ATP7B: variants seen among roughly 807,000 people sequenced by gnomAD.
ATP7B encodes the protein copper-transporting ATPase 2.
In ATP7B, 113 loss-of-function variants were observed where a neutral mutation model predicts 118.9. The ratio of observed to expected loss-of-function variants is 0.95; its 90% CI spans 0.82 to 1.11. The LOEUF (loss-of-function observed/expected upper bound fraction) is 1.11. ATP7B is among the 50% of genes most tolerant of loss of function. The pLI is 0.00. For missense variants in ATP7B, 1,867 were observed against 1,871.4 expected, an observed-to-expected ratio of 1.00 and a Z score of 0.04; for synonymous variants, 777 against 727.4, an observed-to-expected ratio of 1.07 and a Z score of -1.10.
intron 6 of ATP7B, among the ~76,000 whole-genome samples, chr13:51,961,119 A>C (rs1267634067): frequency 6.6e-6 from 1 of 151,938 alleles, no homozygotes; most frequent in African/African-American, 2.4e-5. Context: ...TCAGCCAAGC[A>C]AACTTCCACT....
intron 1 of ATP7B, among the ~76,000 whole-genome samples, chr13:51,992,679 T>C (rs902707473): frequency 2.6e-5 from 4 of 152,030 alleles, no homozygotes; most frequent in Non-Finnish European, 5.9e-5. Flanking sequence ...GGAACTGCAA[T>C]AAAAAATGAT....
intron 12 of ATP7B, 143 bp from the exon 13 acceptor site, chr13:51,946,621 C>T: frequency 1.1e-6 from 1 of 878,912 alleles, no homozygotes. Context: ...TTCCACACTG[C>T]TCTGCCATCA....
chr13:51,938,346 T>C (rs1957101605), intron 17 of ATP7B, among the ~76,000 whole-genome samples: 2 of 152,184 alleles, frequency 1.3e-5, no homozygotes, highest in Admixed American at 6.5e-5. Flanking sequence ...TCACAGAGCC[T>C]GGCCCCACAC....
Position 51,981,647 on chromosome 13 carries a change from T to C in ATP7B, c.52-6479A>G, listed in dbSNP as rs117191858. Among the ~76,000 whole-genome samples the C allele has an allele frequency of 2.6e-5, 4 of 152,096 alleles. No individual in the cohort carries two copies. The East Asian group carries it at 7.7e-4, about 29-fold the overall frequency. On this transcript the variant is annotated intron_variant, in intron 1 of 20. Transcript: ENST00000242839. ...TCCCAGGCATCCAGGCCAGTGGGGG[T>C]TGGTCTCTAAAACCCCCACTGAGGA...
rs767305042 is a variant in ATP7B, at chr13:51,960,260, T to A, written c.2009A>T (p.Tyr670Phe). ...GGGCTCGTTGCTGGGTATCAGCATATAGATCATTAAGGCCATGACAGGGAT... is the reference window on the plus strand; with the variant it reads ...GGGCTCGTTGCTGGGTATCAGCATAAAGATCATTAAGGCCATGACAGGGAT... ...FGIPVMALMI[Y>F]MLIPSNEPHQ... Residue 670 changes from tyrosine (Y) to phenylalanine (F), a missense_variant, in exon 7 of 21, where the codon TAT becomes TTT. Tyr to Phe is a conservative substitution (Grantham distance 22). Coordinates refer to ENST00000242839, the MANE Select transcript of ATP7B (RefSeq NM_000053.4). 6.2e-7 allele frequency: 1 copy of A among 1,613,848 alleles called. No homozygotes were observed. The highest frequency in any genetic ancestry group is 1.1e-5 in the South Asian group (1 of 91,080).
In ATP7B at chr13:51,950,095, C is replaced by T. The variant is rs2139208159; in HGVS notation, c.2642G>A (p.Gly881Asp). 6.2e-7 allele frequency: 1 copy of T among 1,614,210 alleles called. No individual in the cohort carries two copies. Among genetic ancestry groups the T allele is most frequent in the Non-Finnish European group, 8.5e-7 (1 of 1,180,052 alleles). Reference sequence around the variant, plus strand: ...GTGGGTAGCTTTAATGAGCACAGAGCCATGTGCATTTATAGACCCCGCAAT... The same window carrying T: ...GTGGGTAGCTTTAATGAGCACAGAGTCATGTGCATTTATAGACCCCGCAAT... ...TVIAGSINAH[G>D]SVLIKATHVG... The change falls in exon 11 of 21, where the codon GGC becomes GAC. Residue 881 changes from glycine to aspartate, a missense_variant. Physicochemically the swap from Gly to Asp is moderately conservative, Grantham distance 94. Coordinates refer to ENST00000242839, the MANE Select transcript of ATP7B (RefSeq NM_000053.4).
intron 4 of ATP7B, 136 bp downstream of exon 4, chr13:51,968,308 T>G (rs1951667422): frequency 7.4e-7 from 1 of 1,345,062 alleles, no homozygotes; most frequent in African/African-American, 1.5e-5. Context: ...CAAAGGAAAG[T>G]GAAACAAACA....
chr13:51,934,578 C>A lies in ATP7B; in HGVS notation c.*178G>T, dbSNP rs1445775972. On this transcript the variant is annotated 3_prime_UTR_variant, in exon 21 of 21. Transcript: ENST00000242839. ...GGCAGGCAGGGCCGTCCTCTCCAGG[C>A]CAAGCCCAGCTGCACCCAGACAAGG... 2.8e-6 allele frequency: 3 copies of A among 1,059,066 alleles called. No homozygotes were observed. Among genetic ancestry groups the A allele is most frequent in the Non-Finnish European group, 4.1e-6 (3 of 728,426 alleles). 65.6% of individuals were successfully genotyped at this position (1,059,066 alleles called of 1,614,324 possible). A position where few individuals can be genotyped will look rare whatever the true frequency, so the allele number is the denominator to read the frequency against.
chr13:51,935,611 G>A lies in ATP7B; in HGVS notation c.4106C>T (p.Ser1369Leu), dbSNP rs1555282678. ...MAASSVSVVL[S>L]SLQLKCYKKP... is the part of the protein sequence containing the mutation. ...GACTCACCACTTGAGCTGCAGGGAT[G>A]AGAGCACCACAGACACAGAGGAGGC... The change falls in exon 20 of 21, where the codon TCA (serine) becomes TTA (leucine). Residue 1369 changes from serine to leucine, a missense_variant. Coordinates refer to ENST00000242839, the MANE Select transcript of ATP7B (RefSeq NM_000053.4). 6.2e-7 allele frequency: 1 copy of A among 1,613,662 alleles called. No individual in the cohort carries two copies. The highest frequency in any genetic ancestry group is 1.1e-5 in the South Asian group (1 of 90,900).
intron 5 of ATP7B, among the ~76,000 whole-genome samples, chr13:51,964,330 T>C (rs1237540489): frequency 6.6e-6 from 1 of 152,204 alleles, no homozygotes; most frequent in South Asian, 2.1e-4. Context: ...TAGCCTAGTA[T>C]TGTATAAAAT....
At chr13:51,941,385 A>G (rs1957324187) in intron 15 of ATP7B, among the ~76,000 whole-genome samples, 161 bp from the exon 16 acceptor site, 1 of 152,258 alleles carries the variant, frequency 6.6e-6, no homozygotes, top group South Asian at 2.1e-4. Context: ...AAAAAAAAAA[A>G]AAGTAAAATT....
At chr13:51,949,955 A>G in intron 11 of ATP7B, 52 bp downstream of exon 11, 2 of 1,613,834 alleles carry the variant, frequency 1.2e-6, no homozygotes, top group Non-Finnish European at 8.5e-7. Flanking sequence ...AACTCTTCAC[A>G]TAATTTCTAA....
At position 52,003,677 on chromosome 13, in the gene ATP7B, C is replaced by T. The variant is rs190397846; in HGVS notation, c.51+7610G>A. 2.0e-5 allele frequency among the ~76,000 whole-genome samples: 3 copies of T among 152,092 alleles called. No homozygotes were observed. In the East Asian group the frequency reaches 5.8e-4, roughly 29 times the overall value. Reference sequence around the variant, plus strand: ...AAAGGGCAATAAAGCAAAGGTTTGCCTGTACTGTCACAAGTAGGCAGTGAC... The same window carrying T: ...AAAGGGCAATAAAGCAAAGGTTTGCTTGTACTGTCACAAGTAGGCAGTGAC... On this transcript the variant is annotated intron_variant, in intron 1 of 20. Coordinates refer to ENST00000242839, the MANE Select transcript of ATP7B (RefSeq NM_000053.4).
At chr13:51,966,013 G>C (rs1464962251) in intron 4 of ATP7B, among the ~76,000 whole-genome samples, 1 of 152,154 alleles carries the variant, frequency 6.6e-6, no homozygotes, top group African/African-American at 2.4e-5. Flanking sequence ...GGGACTGCAA[G>C]GACCACCAGG....
intron 9 of ATP7B, among the ~76,000 whole-genome samples, chr13:51,955,485 C>T (rs962905180): frequency 3.9e-5 from 6 of 152,270 alleles, no homozygotes; most frequent in Middle Eastern, 3.4e-3. Flanking sequence ...GTAGTCAGGC[C>T]GTGCGTCCCC....
chr13:52,008,075 C>A (rs960802918), intron 1 of ATP7B, among the ~76,000 whole-genome samples: 1 of 152,022 alleles, frequency 6.6e-6, no homozygotes, highest in Non-Finnish European at 1.5e-5. Context: ...GCACAGTGGC[C>A]TCACGCCTGT....
intron 1 of ATP7B, among the ~76,000 whole-genome samples, chr13:51,997,365 G>A (rs898146005): frequency 6.6e-6 from 1 of 152,182 alleles, no homozygotes; most frequent in Non-Finnish European, 1.5e-5. Context: ...GGTGACATGA[G>A]ATCATTATAA....
At position 51,944,211 on chromosome 13, in the gene ATP7B, A is replaced by T. The variant is rs548430679; in HGVS notation, c.3141T>A (p.Asp1047Glu). 22 of 1,614,156 alleles carry T rather than the reference A, an allele frequency of 1.4e-5. No individual in the cohort carries two copies. In the Admixed American group the frequency reaches 1.8e-4, roughly 13 times the overall value. The part of the protein sequence containing the change: ...PRVMRVLLLG[D>E]VATLPLRKVL... ...CCTTCCTGAGGGGCAGTGTGGCCAC[A>T]TCCCCCAGCAGGAGCACCCGCATGA... The change falls in exon 14 of 21, where the codon GAT becomes GAA. Residue 1047 changes from aspartate (D) to glutamate (E), a missense_variant. Physicochemically the swap from Asp to Glu is conservative, Grantham distance 45 (BLOSUM62 2). Coordinates refer to ENST00000242839, the MANE Select transcript of ATP7B (RefSeq NM_000053.4).
Position 51,934,607 on chromosome 13 carries a change from C to A in ATP7B, c.*149G>T. 1 of 1,303,320 alleles carries A rather than the reference C, an allele frequency of 7.7e-7. No individual in the cohort carries two copies. Among genetic ancestry groups the A allele is most frequent in the Non-Finnish European group, 1.1e-6 (1 of 938,930 alleles). The allele number at this position is 1,303,320 out of a possible 1,614,324, so 80.7% of individuals were successfully genotyped here. On this transcript the variant is annotated 3_prime_UTR_variant, in exon 21 of 21. Transcript: ENST00000242839. The stretch of plus-strand genomic sequence containing the variant: ...GCCCAGCTGCACCCAGACAAGGCCG[C>A]GTGCTGCAGGGCAGGATGACTGGAC...
Sources: gnomAD v4.1 joint callset for allele counts (sites outside exome capture counted in the v4.1 genomes callset) on GRCh38, gnomAD v4.1.1 for gene constraint, MANE v1.5 for transcripts, NCBI Gene and HGNC (gene_info 2026-07-23, HGNC 2026-07-21) for gene names.